Variants in PLIN3 observed in about 807,000 individuals in gnomAD.
The protein encoded by PLIN3 is perilipin-3.
Under a neutral mutation model 35.9 loss-of-function variants are expected in PLIN3, and 30 were observed. The ratio of observed to expected loss-of-function variants is 0.84; its 90% CI spans 0.62 to 1.13. The LOEUF is 1.13. Ranked by LOEUF, PLIN3 falls within the 50% of genes most tolerant of loss-of-function variation. The pLI is 0.00. For synonymous variants in PLIN3, 261 were observed against 262.5 expected (o/e 0.99, Z 0.06); for missense variants, 603 against 596.9 (o/e 1.01, Z -0.11).
chr19:4,852,149 G>A lies in PLIN3; in HGVS notation c.501C>T (p.Ser167=), dbSNP rs543619999. The change falls in exon 5 of 8, where the codon TCC becomes TCT. Residue 167 remains serine (S), a synonymous_variant. Transcript: ENST00000221957. ...AVQSGVDKTK[S]VVTGGVQSVM... Reference sequence around the variant, plus strand: ...CCGATTGGACGCCGCCGGTCACTACGGACTTTGTCTTGTCCACGCCGCTCT... The same window carrying A: ...CCGATTGGACGCCGCCGGTCACTACAGACTTTGTCTTGTCCACGCCGCTCT... 9.3e-6 allele frequency: 15 copies of A among 1,614,048 alleles called. No individual in the cohort carries two copies. The South Asian group carries it at 9.9e-5, about 11-fold the overall frequency.
chr19:4,852,191 C>T lies in PLIN3; in HGVS notation c.459G>A (p.Ala153=), dbSNP rs758519354. 8.2e-5 allele frequency: 132 copies of T among 1,613,078 alleles called. No individual in the cohort carries two copies. The highest frequency in any genetic ancestry group is 1.1e-4 in the Non-Finnish European group (130 of 1,180,016). Residue 153 remains alanine, a synonymous_variant, in exon 5 of 8, where the codon GCG becomes GCA. Coordinates refer to ENST00000221957, the MANE Select transcript of PLIN3 (RefSeq NM_005817.5). ...VATQLSEAVD[A]TRGAVQSGVD... is the part of the protein sequence containing the mutation. ...CGCCGCTCTGCACAGCACCGCGGGT[C>T]GCGTCCACCGCCTCCGACAATTGGG...
intron 5 of PLIN3, among the ~76,000 whole-genome samples, chr19:4,851,290 C>T (rs2030281899): frequency 6.6e-6 from 1 of 151,998 alleles, no homozygotes; most frequent in Non-Finnish European, 1.5e-5. Flanking sequence ...CATAGTGAAA[C>T]CCCGTTTCTA....
At chr19:4,841,170 G>C (rs1348337336) in intron 7 of PLIN3, among the ~76,000 whole-genome samples, 1 of 152,112 alleles carries the variant, frequency 6.6e-6, no homozygotes, top group African/African-American at 2.4e-5. Flanking sequence ...CACACACAAA[G>C]ACATGCACAC....
intron 7 of PLIN3, among the ~76,000 whole-genome samples, chr19:4,841,672 A>G (rs1398093279): frequency 6.7e-6 from 1 of 150,256 alleles, no homozygotes; most frequent in South Asian, 2.1e-4. Context: ...GAGGCCGAGG[A>G]GGGTGGATCA....
chr19:4,854,800 T>C (rs1196961536), intron 4 of PLIN3, among the ~76,000 whole-genome samples: 2 of 151,770 alleles, frequency 1.3e-5, no homozygotes, highest in African/African-American at 2.4e-5. Context: ...TGAGAGAGCA[T>C]TGCACCTCTC....
intron 4 of PLIN3, among the ~76,000 whole-genome samples, chr19:4,854,273 C>T (rs2030398668): frequency 6.6e-6 from 1 of 152,084 alleles, no homozygotes; most frequent in Non-Finnish European, 1.5e-5. Context: ...AGAGGGCTCT[C>T]CGCAAAGTTG....
At chr19:4,840,367 T>C (rs2029875825) in intron 7 of PLIN3, among the ~76,000 whole-genome samples, 1 of 150,676 alleles carries the variant, frequency 6.6e-6, no homozygotes, top group Non-Finnish European at 1.5e-5. Context: ...GAGCTCAAGT[T>C]ATCCTCTCAT....
intron 5 of PLIN3, among the ~76,000 whole-genome samples, chr19:4,851,128 C>T (rs951516137): frequency 6.6e-6 from 1 of 152,076 alleles, no homozygotes; most frequent in East Asian, 1.9e-4. Context: ...CGCACCACTG[C>T]ACTTCAGCCT....
rs2030662477 is a variant in PLIN3, at chr19:4,861,185, C to T, written c.66+144G>A. ...CAACTGGGGACACCAGTGAGTGGTC[C>T]ATACCCCACTGAGGAATAAATCCCT... On this transcript the variant is annotated intron_variant, in intron 2 of 7. Coordinates refer to ENST00000221957, the MANE Select transcript of PLIN3 (RefSeq NM_005817.5). 2.0e-5 allele frequency: 14 copies of T among 716,976 alleles called. No individual in the cohort carries two copies. In the South Asian group the frequency reaches 2.2e-4, roughly 11 times the overall value. 44.4% of individuals were successfully genotyped at this position (716,976 alleles called of 1,614,324 possible). A position where few individuals can be genotyped will look rare whatever the true frequency, so the allele number is the denominator to read the frequency against.
intron 4 of PLIN3, among the ~76,000 whole-genome samples, chr19:4,858,534 C>T (rs115349628): frequency 0.048 from 7,303 of 150,654 alleles, 565 homozygotes; most frequent in African/African-American, 0.16. Context: ...CACGCCACCA[C>T]GCCAAGCTAA....
In PLIN3 at chr19:4,847,732, C is replaced by A; in HGVS notation, c.793G>T (p.Ala265Ser). 6.2e-7 allele frequency: 1 copy of A among 1,611,022 alleles called. No homozygotes were observed. Among genetic ancestry groups the A allele is most frequent in the South Asian group, 1.1e-5 (1 of 90,462 alleles). ...LGKLRATKQR[A>S]QEALLQLSQV... ...GACAGCTGCAGCAGAGCCTCCTGTG[C>A]CCTCTGCTTGGTGGCTCGAAGCTTG... Residue 265 changes from alanine to serine, a missense_variant, in exon 6 of 8, where the codon GCA becomes TCA. Physicochemically the swap from Ala to Ser is moderately conservative, Grantham distance 99 (BLOSUM62 1). Coordinates refer to ENST00000221957, the MANE Select transcript of PLIN3 (RefSeq NM_005817.5).
chr19:4,852,380 G>A, intron 4 of PLIN3, 79 bp from the exon 5 acceptor site: 2 of 1,519,860 alleles, frequency 1.3e-6, no homozygotes, highest in Non-Finnish European at 8.8e-7. Flanking sequence ...AACTTCCAGG[G>A]AGACCGAGGC....
At chr19:4,847,658 C>T in intron 6 of PLIN3, 33 bp downstream of exon 6, 1 of 1,545,586 alleles carries the variant, frequency 6.5e-7, no homozygotes, top group Non-Finnish European at 8.8e-7. Context: ...GTGAAGGCTG[C>T]TGGCTCAGGG....
intron 5 of PLIN3, among the ~76,000 whole-genome samples, chr19:4,851,194 T>TG (rs2030278044): frequency 6.6e-6 from 1 of 151,912 alleles, no homozygotes. Context: ...GGGCCGGGCA[T>TG]GGTGGCTCAC....
At chr19:4,839,639 T>G in intron 7 of PLIN3, 103 bp from the exon 8 acceptor site, 1 of 867,178 alleles carries the variant, frequency 1.2e-6, no homozygotes, top group Non-Finnish European at 1.6e-6. Context: ...ACCACTGACC[T>G]TGGGGCAAAC....
intron 4 of PLIN3, among the ~76,000 whole-genome samples, chr19:4,852,874 G>T (rs551069474): frequency 6.6e-6 from 1 of 152,168 alleles, no homozygotes; most frequent in East Asian, 1.9e-4. Flanking sequence ...GAGTGCAATT[G>T]TGTGATCTCG....
At chr19:4,858,261 A>T (rs1301514921) in intron 4 of PLIN3, among the ~76,000 whole-genome samples, 1 of 56,666 alleles carries the variant, frequency 1.8e-5, no homozygotes, top group Non-Finnish European at 3.2e-5. Flanking sequence ...ACAGAGCAAG[A>T]CCCCGTCTCA....
intron 4 of PLIN3, among the ~76,000 whole-genome samples, chr19:4,853,317 A>G (rs1377449656): frequency 6.6e-6 from 1 of 151,002 alleles, no homozygotes; most frequent in Admixed American, 6.6e-5. Flanking sequence ...TTTATCTTTT[A>G]TTTTTATTTA....
chr19:4,852,991 T>C (rs1212954603), intron 4 of PLIN3, among the ~76,000 whole-genome samples: 1 of 151,990 alleles, frequency 6.6e-6, no homozygotes. Context: ...ATTTTGTATT[T>C]TTAGTAGAGA....
Sources: gnomAD v4.1 joint callset for allele counts (sites outside exome capture counted in the v4.1 genomes callset) on GRCh38, gnomAD v4.1.1 for gene constraint, MANE v1.5 for transcripts, NCBI Gene and HGNC (gene_info 2026-07-23, HGNC 2026-07-21) for gene names.